REV1: variants seen among roughly 807,000 people sequenced by gnomAD.
REV1 encodes the protein translesion synthesis protein REV1.
A neutral mutation model predicts 137.4 loss-of-function variants in REV1; 42 were observed. The observed-to-expected ratio is 0.31, with a 90% CI of 0.24 to 0.40. The LOEUF (loss-of-function observed/expected upper bound fraction) is 0.40, where lower values mean the gene tolerates loss of function less well. REV1 is among the 10% of genes least tolerant of loss of function. The pLI is 1.00. For synonymous variants in REV1, 524 were observed against 519.2 expected (o/e 1.01, Z -0.12); for missense variants, 1,282 against 1,490.1 (o/e 0.86, Z 2.30).
At chr2:99,481,844 G>C (rs950673419) in intron 1 of REV1, among the ~76,000 whole-genome samples, 2 of 152,176 alleles carry the variant, frequency 1.3e-5, no homozygotes, top group South Asian at 2.1e-4. Flanking sequence ...GACACAGTGA[G>C]ACCCCGTCCC....
At chr2:99,411,320 T>C (rs1677108454) in intron 13 of REV1, among the ~76,000 whole-genome samples, 2 of 152,046 alleles carry the variant, frequency 1.3e-5, no homozygotes, top group South Asian at 4.2e-4. Flanking sequence ...AAAAACTGTT[T>C]GGTATACCCT....
At chr2:99,476,268 C>T (rs998422046) in intron 1 of REV1, among the ~76,000 whole-genome samples, 2 of 152,000 alleles carry the variant, frequency 1.3e-5, no homozygotes, top group African/African-American at 2.4e-5. Flanking sequence ...GCCCTTAGAA[C>T]GTCCACCTTA....
At position 99,464,988 on chromosome 2, in the gene REV1, G is replaced by C; in HGVS notation, c.-10-3C>G. 1 of 1,607,326 alleles carries C rather than the reference G, an allele frequency of 6.2e-7. No homozygotes were observed. Among genetic ancestry groups the C allele is most frequent in the Non-Finnish European group, 8.5e-7 (1 of 1,176,660 alleles). ...CACCTCGCCTCATGGTGGAGCTTCT[G>C]TATTGGGGAGGAAAAAAAAAATGTC... On this transcript the variant is annotated splice_polypyrimidine_tract_variant and splice_region_variant and intron_variant, in intron 1 of 22. Transcript: ENST00000258428.
At position 99,407,080 on chromosome 2, in the gene REV1, C is replaced by CTTTTTTTTTTTTTTTT; in HGVS notation, c.2449-606_2449-591dup. 3.8e-3 allele frequency among the ~76,000 whole-genome samples: 229 copies of CTTTTTTTTTTTTTTTT among 60,042 alleles called. 52 individuals carry two copies. The highest frequency in any genetic ancestry group is 5.4e-3 in the Non-Finnish European group (183 of 34,154). 39.4% of individuals were successfully genotyped at this position (60,042 alleles called of 152,430 possible). A position where few individuals can be genotyped will look rare whatever the true frequency, so the allele number is the denominator to read the frequency against. On this transcript the variant is annotated intron_variant, in intron 15 of 22. Coordinates refer to ENST00000258428, the MANE Select transcript of REV1 (RefSeq NM_016316.4). Reference sequence around the variant, plus strand: ...ACATAAAACTAAACCTACAAAGGTTCTTTTTTTTTTTTTTTTTTTTTTTTT... The same window carrying CTTTTTTTTTTTTTTTT: ...ACATAAAACTAAACCTACAAAGGTTCTTTTTTTTTTTTTTTTTTTTTTTTTTTTTTTTTTTTTTTTT...
At chr2:99,448,784 C>G (rs941903240) in intron 4 of REV1, among the ~76,000 whole-genome samples, 1 of 152,198 alleles carries the variant, frequency 6.6e-6, no homozygotes, top group Admixed American at 6.5e-5. Context: ...TTGAATAACA[C>G]GCTTGCTCCA....
In REV1 at chr2:99,451,343, AC is replaced by A. The variant is rs984070112; in HGVS notation, c.182-1840del. The A allele has an allele frequency of 8.7e-5, 110 of 1,259,174 alleles. No individual in the cohort carries two copies. In the African/African-American group the frequency reaches 1.5e-3, roughly 17 times the overall value. The allele number at this position is 1,259,174 out of a possible 1,614,324, so 78.0% of individuals were successfully genotyped here. On this transcript the variant is annotated intron_variant, in intron 3 of 22. Transcript: ENST00000258428. Reference sequence around the variant, plus strand: ...CCATATACATACTCATAAAGTACTCACCCGTCTACTAGCTGCTCTTTGAAAA... The same window carrying A: ...CCATATACATACTCATAAAGTACTCACCGTCTACTAGCTGCTCTTTGAAAA...
intron 1 of REV1, among the ~76,000 whole-genome samples, chr2:99,489,313 G>T (rs4851207): frequency 0.23 from 34,274 of 152,160 alleles, 4,297 homozygotes; most frequent in Admixed American, 0.32. Flanking sequence ...GCTGGAGTGC[G>T]GGTGGGAGCG....
At chr2:99,469,926 A>T (rs990549367) in intron 1 of REV1, among the ~76,000 whole-genome samples, 1 of 151,852 alleles carries the variant, frequency 6.6e-6, no homozygotes, top group African/African-American at 2.4e-5. Context: ...TCGAGACCAT[A>T]CTGGCTAAAA....
At chr2:99,425,831 G>A (rs1203771180) in intron 9 of REV1, among the ~76,000 whole-genome samples, 2 of 152,034 alleles carry the variant, frequency 1.3e-5, no homozygotes, top group Non-Finnish European at 2.9e-5. Flanking sequence ...GAGAGGGGGA[G>A]TTCGAGACCA....
intron 3 of REV1, among the ~76,000 whole-genome samples, chr2:99,452,129 GAAA>G (rs1468043501): frequency 2.0e-5 from 3 of 151,646 alleles, no homozygotes; most frequent in Admixed American, 2.0e-4. Flanking sequence ...GGGTTAATTA[GAAA>G]AAAAATTGGG....
At chr2:99,487,971 T>A (rs900971482) in intron 1 of REV1, among the ~76,000 whole-genome samples, 1 of 118,674 alleles carries the variant, frequency 8.4e-6, no homozygotes, top group Non-Finnish European at 1.8e-5. Context: ...AATCCTCAGC[T>A]ACCCAAGGTG....
Position 99,484,053 on chromosome 2 carries a change from C to T in REV1, c.-11+5764G>A, listed in dbSNP as rs150982627. Reference sequence around the variant, plus strand: ...TGTAAAAACATCCCACCTATGTGTTCCTCCTTATTGAAGGAGATCCAGGTA... The same window carrying T: ...TGTAAAAACATCCCACCTATGTGTTTCTCCTTATTGAAGGAGATCCAGGTA... On this transcript the variant is annotated intron_variant, in intron 1 of 22. Coordinates refer to ENST00000258428, the MANE Select transcript of REV1 (RefSeq NM_016316.4). Among the ~76,000 whole-genome samples, 197 of 152,276 alleles carry T rather than the reference C, an allele frequency of 1.3e-3. 1 individual carries two copies. Among genetic ancestry groups the T allele is most frequent in the African/African-American group, 4.5e-3 (187 of 41,564 alleles).
chr2:99,404,045 T>G (rs1429797833), intron 18 of REV1, among the ~76,000 whole-genome samples: 2 of 152,116 alleles, frequency 1.3e-5, no homozygotes. Flanking sequence ...AGAAACCCAC[T>G]ACAACAGCAG....
At chr2:99,489,655 C>A (rs1407066417) in intron 1 of REV1, among the ~76,000 whole-genome samples, 162 bp downstream of exon 1, 1 of 149,294 alleles carries the variant, frequency 6.7e-6, no homozygotes, top group Non-Finnish European at 1.5e-5. Context: ...CAGGCCGCGA[C>A]AGGACGGCCG....
intron 11 of REV1, among the ~76,000 whole-genome samples, chr2:99,419,226 T>TTTC (rs1559311797): frequency 8.8e-6 from 1 of 113,886 alleles, no homozygotes; most frequent in African/African-American, 4.3e-5. Context: ...TTTTTTTTTT[T>TTTC]TGGGGGATGG....
intron 1 of REV1, among the ~76,000 whole-genome samples, chr2:99,487,732 G>A (rs1191714220): frequency 8.4e-6 from 1 of 118,390 alleles, no homozygotes; most frequent in African/African-American, 3.0e-5. Flanking sequence ...TTGAAAAGCA[G>A]AAAGACCCAC....
chr2:99,415,544 T>C (rs1677739080), intron 12 of REV1, among the ~76,000 whole-genome samples: 1 of 152,250 alleles, frequency 6.6e-6, no homozygotes, highest in Non-Finnish European at 1.5e-5. Context: ...TCTGCAGTGA[T>C]GGAAATGTTC....
intron 10 of REV1, 106 bp downstream of exon 10, chr2:99,424,046 T>C (rs1679023157): frequency 2.4e-6 from 3 of 1,238,458 alleles, no homozygotes; most frequent in Non-Finnish European, 3.3e-6. Context: ...AAGATAAAAT[T>C]CTAACAAAAG....
At chr2:99,465,745 A>G (rs1369705498) in intron 1 of REV1, among the ~76,000 whole-genome samples, 1 of 152,250 alleles carries the variant, frequency 6.6e-6, no homozygotes, top group Non-Finnish European at 1.5e-5. Flanking sequence ...AACAAAATTA[A>G]TATGACTTCT....
Sources: gnomAD v4.1 joint callset for allele counts (sites outside exome capture counted in the v4.1 genomes callset) on GRCh38, gnomAD v4.1.1 for gene constraint, MANE v1.5 for transcripts, NCBI Gene and HGNC (gene_info 2026-07-23, HGNC 2026-07-21) for gene names.